The following PLSCR1 variants were observed in gnomAD, a reference collection of about 807,000 sequenced individuals.
PLSCR1 encodes the protein PL scramblase 1.
Under a neutral mutation model 37.8 loss-of-function variants are expected in PLSCR1, and 17 were observed. That is an observed-to-expected ratio of 0.45 (90% CI 0.31 to 0.68). The LOEUF (loss-of-function observed/expected upper bound fraction) is 0.68, where lower values mean the gene tolerates loss of function less well. Ranked by LOEUF, PLSCR1 falls within the 30% of genes least tolerant of loss-of-function variation. The pLI is 0.06. For missense variants in PLSCR1, 347 were observed against 380.9 expected (o/e 0.91, Z 0.74); for synonymous variants, 116 against 125.9 (o/e 0.92, Z 0.53).
chr3:146,529,703 C>T (rs971105296), intron 3 of PLSCR1, among the ~76,000 whole-genome samples: 2 of 152,070 alleles, frequency 1.3e-5, no homozygotes, highest in South Asian at 2.1e-4. Context: ...TTAGTAGAGA[C>T]GGGGTTTCAG....
Position 146,525,612 on chromosome 3 carries a change from A to G in PLSCR1, c.348T>C (p.Leu116=), listed in dbSNP as rs188057374. The change falls in exon 5 of 9, where the codon CTT becomes CTC. Residue 116 remains leucine, a synonymous_variant. Transcript: ENST00000342435. ...AAAACAATGAATACATACCTTCCAG[A>G]AGTTCAATTTGCTGATGAATCAGTA... The part of the protein sequence containing the change: ...DQILIHQQIE[L]LEVLTGFETN... 1.3e-6 allele frequency: 2 copies of G among 1,503,660 alleles called. No individual in the cohort carries two copies. Among genetic ancestry groups the G allele is most frequent in the Admixed American group, 3.5e-5 (2 of 57,810 alleles). The allele number at this position is 1,503,660 out of a possible 1,614,324, so 93.1% of individuals were successfully genotyped here.
intron 1 of PLSCR1, among the ~76,000 whole-genome samples, chr3:146,537,057 G>T (rs774707350): frequency 6.6e-6 from 1 of 152,038 alleles, no homozygotes; most frequent in African/African-American, 2.4e-5. Context: ...GGAAATGTAG[G>T]TCTTGTGGAC....
chr3:146,525,830 T>C (rs1383187577), intron 4 of PLSCR1, among the ~76,000 whole-genome samples, 183 bp from the exon 5 acceptor site: 1 of 152,050 alleles, frequency 6.6e-6, no homozygotes, highest in Non-Finnish European at 1.5e-5. Flanking sequence ...AAAATATTTA[T>C]TGTGTTCATT....
At chr3:146,538,528 T>G (rs1192028315) in intron 1 of PLSCR1, among the ~76,000 whole-genome samples, 1 of 152,128 alleles carries the variant, frequency 6.6e-6, no homozygotes, top group Non-Finnish European at 1.5e-5. Flanking sequence ...ATAGGATACC[T>G]CTCTATAACA....
chr3:146,528,425 T>TA lies in PLSCR1; in HGVS notation c.312+188dup, dbSNP rs556307390. 9.6e-4 allele frequency: 576 copies of TA among 598,638 alleles called. 10 individuals are homozygous for TA. The East Asian group carries it at 0.015, about 15-fold the overall frequency. The allele number at this position is 598,638 out of a possible 1,614,324, so 37.1% of individuals were successfully genotyped here. On this transcript the variant is annotated intron_variant, in intron 4 of 8. Transcript: ENST00000342435. ...AGATTGTATTTAAGATAACAGAAAATACAATTTTCTAAGGCATTTGTATTT... is the reference window on the plus strand; with the variant it reads ...AGATTGTATTTAAGATAACAGAAAATAACAATTTTCTAAGGCATTTGTATTT...
At chr3:146,521,343 T>A (rs747278046) in intron 7 of PLSCR1, among the ~76,000 whole-genome samples, 4 of 152,198 alleles carry the variant, frequency 2.6e-5, no homozygotes, top group Non-Finnish European at 4.4e-5. Context: ...TGCTTCTTTT[T>A]TTTCCATTTC....
chr3:146,522,619 A>G (rs2044041706), intron 5 of PLSCR1, among the ~76,000 whole-genome samples: 1 of 152,186 alleles, frequency 6.6e-6, no homozygotes, highest in Admixed American at 6.5e-5. Flanking sequence ...CCCATGTGAT[A>G]GTCTGAAATA....
At chr3:146,525,133 C>T (rs2587029) in intron 5 of PLSCR1, among the ~76,000 whole-genome samples, 22,260 of 152,194 alleles carry the variant, frequency 0.15, 1,765 homozygotes, top group Admixed American at 0.21. Context: ...ACTGCAGTGG[C>T]CTGCATCTGA....
At chr3:146,532,354 A>C (rs1012750049) in intron 3 of PLSCR1, among the ~76,000 whole-genome samples, 2 of 152,152 alleles carry the variant, frequency 1.3e-5, no homozygotes, top group Non-Finnish European at 2.9e-5. Flanking sequence ...CCTTAGAATC[A>C]CTTGGGGTGT....
chr3:146,521,934 G>A lies in PLSCR1; in HGVS notation c.475C>T (p.Pro159Ser). Residue 159 changes from proline to serine, a missense_variant, in exon 6 of 9, where the codon CCT becomes TCT. By Grantham distance (74) the Pro-to-Ser change is moderately conservative. Coordinates refer to ENST00000342435, the MANE Select transcript of PLSCR1 (RefSeq NM_021105.3). ...CTRNCCGPSR[P>S]FTLRIIDNMG... ...TTATCAATAATCCTCAAGGTAAAAG[G>A]TCTAGATGGCCCACAGCAATTTCGG... 1 of 1,612,984 alleles carries A rather than the reference G, an allele frequency of 6.2e-7. No homozygotes were observed. Among genetic ancestry groups the A allele is most frequent in the Admixed American group, 1.7e-5 (1 of 60,014 alleles).
rs531314704 is a variant in PLSCR1 at position 146,541,719 on chromosome 3, ATGTG to A, written c.-14+2744_-14+2747del. Among the ~76,000 whole-genome samples the A allele has an allele frequency of 2.5e-3, 374 of 152,350 alleles. 1 individual carries two copies. Among genetic ancestry groups the A allele is most frequent in the African/African-American group, 8.6e-3 (357 of 41,586 alleles). On this transcript the variant is annotated intron_variant, in intron 1 of 8. Coordinates refer to ENST00000342435, the MANE Select transcript of PLSCR1 (RefSeq NM_021105.3). ...AACTAGGCCAGGTGCTATGGTTAGA[ATGTG>A]TGAGCTAAGTTCATGTGTTGGAAAC...
chr3:146,529,844 C>T (rs1248883266), intron 3 of PLSCR1, among the ~76,000 whole-genome samples: 2 of 152,124 alleles, frequency 1.3e-5, no homozygotes, highest in Admixed American at 6.6e-5. Context: ...TTAGTACATT[C>T]CAGATGCCTG....
intron 2 of PLSCR1, among the ~76,000 whole-genome samples, chr3:146,535,124 CA>C (rs1263101271): frequency 6.6e-6 from 1 of 152,134 alleles, no homozygotes; most frequent in Admixed American, 6.6e-5. Flanking sequence ...GGAAACACAG[CA>C]TCAGACTCAG....
chr3:146,519,646 A>AT (rs2043992590), intron 7 of PLSCR1, among the ~76,000 whole-genome samples: 1 of 152,078 alleles, frequency 6.6e-6, no homozygotes, highest in Non-Finnish European at 1.5e-5. Flanking sequence ...CATGACCTTA[A>AT]TTCAAGTCAT....
intron 3 of PLSCR1, 74 bp from the exon 4 acceptor site, chr3:146,528,905 A>G (rs766742850): frequency 6.7e-6 from 7 of 1,038,238 alleles, no homozygotes; most frequent in Non-Finnish European, 1.0e-5. Flanking sequence ...GGGTTATGCC[A>G]TCTATCTATA....
At chr3:146,535,066 C>A (rs963193028) in intron 2 of PLSCR1, among the ~76,000 whole-genome samples, 1 of 152,096 alleles carries the variant, frequency 6.6e-6, no homozygotes, top group Non-Finnish European at 1.5e-5. Context: ...CTCCCTAGTT[C>A]TCTAGCTAAT....
chr3:146,524,761 G>C (rs1451503461), intron 5 of PLSCR1, among the ~76,000 whole-genome samples: 1 of 151,944 alleles, frequency 6.6e-6, no homozygotes, highest in African/African-American at 2.4e-5. Flanking sequence ...CAATGTAATA[G>C]ATGACAATTG....
At position 146,521,687 on chromosome 3, in the gene PLSCR1, G is replaced by A. The variant is rs745962370; in HGVS notation, c.595C>T (p.Pro199Ser). The A allele has an allele frequency of 2.5e-6, 4 of 1,612,980 alleles. No individual in the cohort carries two copies. The highest frequency in any genetic ancestry group is 3.3e-5 in the Admixed American group (2 of 59,924). ...ATAACATAACCTATTGGTACACCAG[G>A]AGGAGCTTGGATTTCTATCTACAAA... ...CLQEIEIQAPPGVPIGYVIQT... is the reference protein window; with the variant it reads ...CLQEIEIQAPSGVPIGYVIQT... Residue 199 changes from proline (P) to serine (S), a missense_variant, in exon 7 of 9, where the codon CCT becomes TCT. Coordinates refer to ENST00000342435, the MANE Select transcript of PLSCR1 (RefSeq NM_021105.3).
chr3:146,535,527 T>G (rs1242084209), intron 2 of PLSCR1, among the ~76,000 whole-genome samples: 1 of 152,242 alleles, frequency 6.6e-6, no homozygotes, highest in Non-Finnish European at 1.5e-5. Context: ...TCTACATGTA[T>G]GTATATATAC....
Sources: gnomAD v4.1 joint callset for allele counts (sites outside exome capture counted in the v4.1 genomes callset) on GRCh38, gnomAD v4.1.1 for gene constraint, MANE v1.5 for transcripts, NCBI Gene and HGNC (gene_info 2026-07-23, HGNC 2026-07-21) for gene names.